Variants in HACD2 observed in about 807,000 individuals in gnomAD.
HACD2 encodes the protein very-long-chain (3R)-3-hydroxyacyl-CoA dehydratase 2.
A neutral mutation model predicts 31.0 loss-of-function variants in HACD2; 15 were observed. The observed-to-expected ratio is 0.48, with a 90% CI of 0.32 to 0.75. The LOEUF (loss-of-function observed/expected upper bound fraction) is 0.75, where lower values mean the gene tolerates loss of function less well. Among genes scored for constraint, HACD2 ranks in the 30% least tolerant of loss-of-function variants. The pLI, the probability that HACD2 is intolerant of heterozygous loss-of-function variation, is 0.03. For synonymous variants in HACD2, 115 were observed against 122.2 expected (o/e 0.94, Z 0.39); for missense variants, 283 against 313.0 (o/e 0.90, Z 0.72).
intron 6 of HACD2, 49 bp downstream of exon 6, chr3:123,500,466 G>C: frequency 7.9e-7 from 1 of 1,262,788 alleles, no homozygotes; most frequent in Non-Finnish European, 1.1e-6. Context: ...AGTTATTGTA[G>C]AGCCAAATTT....
rs556756549 is a variant in HACD2 at position 123,557,251 on chromosome 3, T to A, written c.292+10511A>T. On this transcript the variant is annotated intron_variant, in intron 3 of 6. Transcript: ENST00000383657. ...TCAAGGGACCTAGGTTGAGTGCTCCTTATGAGAATCTAATGCCTGATGATC... is the reference window on the plus strand; with the variant it reads ...TCAAGGGACCTAGGTTGAGTGCTCCATATGAGAATCTAATGCCTGATGATC... Among the ~76,000 whole-genome samples the A allele has an allele frequency of 2.0e-4, 31 of 152,298 alleles. No individual in the cohort carries two copies. The South Asian group carries it at 6.4e-3, about 32-fold the overall frequency.
At chr3:123,505,732 C>T (rs2055966913) in intron 4 of HACD2, among the ~76,000 whole-genome samples, 3 of 152,176 alleles carry the variant, frequency 2.0e-5, no homozygotes, top group Admixed American at 2.0e-4. Context: ...AAGAACTCTT[C>T]AACTAGCAGA....
intron 1 of HACD2, among the ~76,000 whole-genome samples, chr3:123,583,827 T>C (rs1445661974): frequency 6.6e-6 from 1 of 152,082 alleles, no homozygotes; most frequent in Admixed American, 6.5e-5. Flanking sequence ...AAGGGAAAGG[T>C]GGGAGGAAAG....
chr3:123,500,557 A>G lies in HACD2; in HGVS notation c.640T>C (p.Tyr214His). ...ATTATTAGAATCAGGAATGCATAGT[A>G]GTCAAAAGAGAAATTGTATTTGTTG... is the stretch of plus-strand genomic sequence containing the variant. ...LPNKYNFSFD[Y>H]YAFLILIMIS... The change falls in exon 6 of 7, where the codon TAC (tyrosine) becomes CAC (histidine). Residue 214 changes from tyrosine to histidine, a missense_variant. Around this residue, in one of 3 missense-constraint regions of HACD2, gnomAD observed 85 missense variants for 129.6 expected, o/e 0.66. Transcript: ENST00000383657. 1.2e-6 allele frequency: 2 copies of G among 1,610,330 alleles called. No individual in the cohort carries two copies. The highest frequency in any genetic ancestry group is 1.1e-5 in the South Asian group (1 of 90,950).
chr3:123,557,817 T>A (rs141529602), intron 3 of HACD2, among the ~76,000 whole-genome samples: 105 of 152,334 alleles, frequency 6.9e-4, no homozygotes, highest in African/African-American at 2.4e-3. Flanking sequence ...AAACTCTCAT[T>A]CATTACTCTT....
At chr3:123,530,693 C>A (rs1184602247) in intron 3 of HACD2, among the ~76,000 whole-genome samples, 1 of 150,376 alleles carries the variant, frequency 6.6e-6, no homozygotes, top group East Asian at 2.0e-4. Context: ...AGGCGTGAGC[C>A]ACTGCGCCCG....
At chr3:123,583,395 T>C (rs1206703793) in intron 1 of HACD2, among the ~76,000 whole-genome samples, 1 of 152,234 alleles carries the variant, frequency 6.6e-6, no homozygotes, top group Non-Finnish European at 1.5e-5. Flanking sequence ...GAATTTTATA[T>C]ATAAATATTA....
In HACD2 at chr3:123,579,887, G is replaced by A. The variant is rs551566352; in HGVS notation, c.273+2325C>T. Among the ~76,000 whole-genome samples the A allele has an allele frequency of 3.6e-3, 548 of 152,288 alleles. 4 individuals are homozygous for A. The highest frequency in any genetic ancestry group is 0.012 in the African/African-American group (484 of 41,550). On this transcript the variant is annotated intron_variant, in intron 2 of 6. Transcript: ENST00000383657. ...TAAAATTTCCTCACACTCAAATTTAGGGTAGTAAGGGACTTTAGAAATCTA... is the reference window on the plus strand; with the variant it reads ...TAAAATTTCCTCACACTCAAATTTAAGGTAGTAAGGGACTTTAGAAATCTA...
chr3:123,535,747 T>C (rs943757960), intron 3 of HACD2, among the ~76,000 whole-genome samples: 1 of 152,220 alleles, frequency 6.6e-6, no homozygotes, highest in Admixed American at 6.5e-5. Flanking sequence ...AGTCGGAGAC[T>C]GATATAAAAT....
chr3:123,519,158 A>G (rs906833030), intron 4 of HACD2, among the ~76,000 whole-genome samples: 1 of 152,134 alleles, frequency 6.6e-6, no homozygotes, highest in African/African-American at 2.4e-5. Flanking sequence ...GAAGAAAACA[A>G]AAGTTAAAAA....
Position 123,537,331 on chromosome 3 carries a change from C to T in HACD2, c.293-8857G>A, listed in dbSNP as rs113467239. Among the ~76,000 whole-genome samples the T allele has an allele frequency of 7.3e-3, 1,114 of 152,208 alleles. 3 individuals are homozygous for T. The highest frequency in any genetic ancestry group is 0.024 in the Middle Eastern group (7 of 294). On this transcript the variant is annotated intron_variant, in intron 3 of 6. Transcript: ENST00000383657. ...ATGGCAATCCCGGATCTTTGGGAAG[C>T]CAAGGTGAGACAATCACTTGAGTCC...
At chr3:123,522,668 T>TC in intron 4 of HACD2, among the ~76,000 whole-genome samples, 1 of 151,754 alleles carries the variant, frequency 6.6e-6, no homozygotes, top group Middle Eastern at 3.4e-3. Flanking sequence ...GAGACTTTTT[T>TC]TTTTTTTTAC....
At chr3:123,523,375 A>T (rs543431857) in intron 4 of HACD2, among the ~76,000 whole-genome samples, 3 of 151,864 alleles carry the variant, frequency 2.0e-5, no homozygotes, top group Non-Finnish European at 2.9e-5. Context: ...GAAAACCTGC[A>T]TGCTGGAGAC....
At chr3:123,533,870 C>T (rs1009782864) in intron 3 of HACD2, among the ~76,000 whole-genome samples, 1 of 152,136 alleles carries the variant, frequency 6.6e-6, no homozygotes, top group African/African-American at 2.4e-5. Flanking sequence ...AACAGGAGGA[C>T]AGCATGATTA....
At chr3:123,512,719 C>T (rs746717242) in intron 4 of HACD2, among the ~76,000 whole-genome samples, 4 of 151,998 alleles carry the variant, frequency 2.6e-5, no homozygotes, top group African/African-American at 4.8e-5. Flanking sequence ...AGGGAAAATG[C>T]GAGAAAGAAC....
intron 6 of HACD2, among the ~76,000 whole-genome samples, chr3:123,496,763 A>G (rs969028046): frequency 1.2e-4 from 18 of 152,236 alleles, no homozygotes; most frequent in Non-Finnish European, 2.5e-4. Context: ...AATGAAGGGA[A>G]TCTGTGAGCT....
chr3:123,537,348 C>T (rs904446738), intron 3 of HACD2, among the ~76,000 whole-genome samples: 1 of 152,146 alleles, frequency 6.6e-6, no homozygotes, highest in Non-Finnish European at 1.5e-5. Flanking sequence ...GAGACAATCA[C>T]TTGAGTCCAG....
chr3:123,510,042 G>A lies in HACD2; in HGVS notation c.382-7361C>T, dbSNP rs150189817. ...TTTAACAGTTTTAAGTGCATAATTC[G>A]TTGGAATTAAGTACATTCACCATAT... is the stretch of plus-strand genomic sequence containing the variant. On this transcript the variant is annotated intron_variant, in intron 4 of 6. Coordinates refer to ENST00000383657, the MANE Select transcript of HACD2 (RefSeq NM_198402.5). 5.9e-5 allele frequency among the ~76,000 whole-genome samples: 9 copies of A among 152,100 alleles called. No individual in the cohort carries two copies. The East Asian group carries it at 7.7e-4, about 13-fold the overall frequency.
intron 3 of HACD2, among the ~76,000 whole-genome samples, chr3:123,544,441 T>C (rs750576444): frequency 6.6e-6 from 1 of 152,194 alleles, no homozygotes; most frequent in African/African-American, 2.4e-5. Flanking sequence ...TTCATATCAA[T>C]CTTCTGTAAT....
Sources: allele counts gnomAD v4.1 joint callset (sites outside exome capture counted in the v4.1 genomes callset), GRCh38; gene constraint gnomAD v4.1.1; regional missense constraint gnomAD v4.1.1; transcripts MANE v1.5; gene names NCBI Gene and HGNC (gene_info 2026-07-23, HGNC 2026-07-21).